The following DNAH9 variants were observed in gnomAD, a reference collection of about 807,000 sequenced individuals.
The protein encoded by DNAH9 is dynein axonemal heavy chain 9.
Under a neutral mutation model 471.6 loss-of-function variants are expected in DNAH9, and 345 were observed. The ratio of observed to expected loss-of-function variants is 0.73; its 90% CI spans 0.67 to 0.80. The LOEUF (loss-of-function observed/expected upper bound fraction) is 0.80, where lower values mean the gene tolerates loss of function less well. DNAH9 is among the 30% of genes least tolerant of loss of function. The pLI, the probability that DNAH9 is intolerant of heterozygous loss-of-function variation, is 0.00. For synonymous variants in DNAH9, 2,093 were observed against 2,123.6 expected, an observed-to-expected ratio of 0.99 and a Z score of 0.40; for missense variants, 5,407 against 5,609.2, an observed-to-expected ratio of 0.96 and a Z score of 1.15.
chr17:11,869,160 C>T lies in DNAH9; in HGVS notation c.9960C>T (p.Leu3320=), dbSNP rs1247536472. 1.9e-6 allele frequency: 3 copies of T among 1,613,620 alleles called. No individual in the cohort carries two copies. Among genetic ancestry groups the T allele is most frequent in the Middle Eastern group, 1.6e-4 (1 of 6,078 alleles). The change falls in exon 51 of 69, where the codon CTC becomes CTT. Residue 3320 remains leucine (L), a synonymous_variant. Coordinates refer to ENST00000262442, the MANE Select transcript of DNAH9 (RefSeq NM_001372.4). ...IAHLNENLAK[L]TARFEKATAD... ...ACCTTAATGAAAACCTGGCAAAGCTCACAGCCAGGTTTGAGAAAGCAACAG... is the reference window on the plus strand; with the variant it reads ...ACCTTAATGAAAACCTGGCAAAGCTTACAGCCAGGTTTGAGAAAGCAACAG...
intron 68 of DNAH9, among the ~76,000 whole-genome samples, chr17:11,966,168 T>C (rs1188833677): frequency 6.6e-6 from 1 of 152,190 alleles, no homozygotes; most frequent in Admixed American, 6.5e-5. Flanking sequence ...CAAGACATAT[T>C]ATAGTCAAAC....
chr17:11,652,072 T>C (rs996917115), intron 13 of DNAH9, among the ~76,000 whole-genome samples: 1 of 152,128 alleles, frequency 6.6e-6, no homozygotes, highest in Non-Finnish European at 1.5e-5. Context: ...TTATTTCATA[T>C]ACAAGAGGAA....
rs60906405 is a variant in DNAH9 at position 11,730,257 on chromosome 17, T to C, written c.5814+2335T>C. On this transcript the variant is annotated intron_variant, in intron 28 of 68. Transcript: ENST00000262442. ...CTGGTTGTGTGCATGTCAGTGGCAT[T>C]GCATGAGTGTAGCTTGAAATGGGCT... 7.7e-3 allele frequency among the ~76,000 whole-genome samples: 1,180 copies of C among 152,300 alleles called. 12 individuals are homozygous for C. The highest frequency in any genetic ancestry group is 0.026 in the African/African-American group (1,061 of 41,574).
chr17:11,817,585 A>G (rs966319971), intron 45 of DNAH9, among the ~76,000 whole-genome samples: 30 of 152,362 alleles, frequency 2.0e-4, no homozygotes, highest in South Asian at 4.1e-4. Flanking sequence ...GGCTATGGTC[A>G]ATTAAATCTT....
chr17:11,888,199 T>C (rs1379266543), intron 57 of DNAH9, among the ~76,000 whole-genome samples: 4 of 152,052 alleles, frequency 2.6e-5, no homozygotes, highest in Admixed American at 2.0e-4. Flanking sequence ...TTAGCCAGGA[T>C]GGTCTCGATC....
chr17:11,923,898 C>T lies in DNAH9; in HGVS notation c.11834C>T (p.Ala3945Val), dbSNP rs376820901. ...GGACAGGAAGTGGTGGCTGAGGCTG[C>T]GCTGGACCTCGCTGCCAAGAAAGGT... ...GQGQEVVAEA[A>V]LDLAAKKGHW... The change falls in exon 62 of 69, where the codon GCG becomes GTG. Residue 3945 changes from alanine to valine, a missense_variant. Around this residue, in one of 3 missense-constraint regions of DNAH9, gnomAD observed 4,636 missense variants for 4,900.3 expected, o/e 0.95. Transcript: ENST00000262442. 66 of 1,613,866 alleles carry T rather than the reference C, an allele frequency of 4.1e-5. No homozygotes were observed. Among genetic ancestry groups the T allele is most frequent in the African/African-American group, 1.3e-4 (10 of 74,920 alleles).
At chr17:11,699,304 AC>A (rs1312276749) in intron 22 of DNAH9, among the ~76,000 whole-genome samples, 1 of 152,040 alleles carries the variant, frequency 6.6e-6, no homozygotes, top group African/African-American at 2.4e-5. Flanking sequence ...CACTGCCGCC[AC>A]CACTGTTGAC....
At chr17:11,635,769 A>G (rs913621402) in intron 8 of DNAH9, among the ~76,000 whole-genome samples, 1 of 152,208 alleles carries the variant, frequency 6.6e-6, no homozygotes, top group Non-Finnish European at 1.5e-5. Flanking sequence ...TTGCTGCTCC[A>G]TGAAACACTG....
chr17:11,890,646 T>C (rs970304293), intron 57 of DNAH9, among the ~76,000 whole-genome samples: 7 of 152,182 alleles, frequency 4.6e-5, no homozygotes, highest in Non-Finnish European at 8.8e-5. Flanking sequence ...ATATCTTGGC[T>C]TGTATTTTCT....
At chr17:11,653,052 T>A in intron 14 of DNAH9, 50 bp downstream of exon 14, 1 of 1,590,554 alleles carries the variant, frequency 6.3e-7, no homozygotes, top group Admixed American at 1.7e-5. Context: ...AGGGAAAGCA[T>A]CAAAAAGTGT....
chr17:11,801,982 T>C (rs144586574), intron 43 of DNAH9, among the ~76,000 whole-genome samples: 79 of 152,300 alleles, frequency 5.2e-4, no homozygotes, highest in African/African-American at 1.9e-3. Context: ...AAGAGAAGCC[T>C]GAGCCTCATT....
chr17:11,661,235 C>T (rs1567699366), intron 14 of DNAH9, among the ~76,000 whole-genome samples: 1 of 151,362 alleles, frequency 6.6e-6, no homozygotes, highest in Admixed American at 6.6e-5. Flanking sequence ...ATAATATAGC[C>T]TTTCCTATCT....
At chr17:11,625,912 CT>C (rs2072961005) in intron 6 of DNAH9, among the ~76,000 whole-genome samples, 1 of 152,172 alleles carries the variant, frequency 6.6e-6, no homozygotes, top group Admixed American at 6.5e-5. Flanking sequence ...TAGTGGCTGC[CT>C]TTTAGTGAAG....
At position 11,689,575 on chromosome 17, in the gene DNAH9, C is replaced by T. The variant is rs1311460827; in HGVS notation, c.3753C>T (p.Ser1251=). ...ACACTGTGTTTTGTAGGTTTGATAG[C>T]ATCCACCCTCATCAAATGCTGGATG... ...FHKEAPFRFD[S]IHPHQMLDAR... is the part of the protein sequence containing the mutation. The change falls in exon 20 of 69, where the codon AGC becomes AGT. Residue 1251 remains serine (S), a synonymous_variant. Transcript: ENST00000262442. The T allele has an allele frequency of 3.1e-6, 5 of 1,611,672 alleles. No individual in the cohort carries two copies. In the South Asian group the frequency reaches 4.4e-5, roughly 14 times the overall value.
At chr17:11,860,705 G>A (rs1971813498) in intron 50 of DNAH9, among the ~76,000 whole-genome samples, 2 of 152,110 alleles carry the variant, frequency 1.3e-5, no homozygotes, top group Middle Eastern at 3.2e-3. Flanking sequence ...GGGATTACAG[G>A]CATGTGCCAC....
At chr17:11,739,904 GTC>G (rs1420888251) in intron 29 of DNAH9, among the ~76,000 whole-genome samples, 1 of 152,138 alleles carries the variant, frequency 6.6e-6, no homozygotes, top group African/African-American at 2.4e-5. Context: ...AAACTGTTTT[GTC>G]TCATTTTTGG....
rs1217627750 is a variant in DNAH9 at position 11,834,704 on chromosome 17, G to C, written c.9313G>C (p.Asp3105His). The change falls in exon 49 of 69, where the codon GAC (aspartate) becomes CAC (histidine). Residue 3105 changes from aspartate (D) to histidine (H), a missense_variant. By Grantham distance (81) the Asp-to-His change is moderately conservative. This residue lies in a region of DNAH9 where 4,636 missense variants were observed against 4,900.3 expected (regional missense o/e 0.95). Coordinates refer to ENST00000262442, the MANE Select transcript of DNAH9 (RefSeq NM_001372.4). ...GCTGAAGCAGAAAAATGAAGATGCA[G>C]ACAAACTGATTCAGGTCGTGGGTGT... ...VELKQKNEDA[D>H]KLIQVVGVET... The C allele has an allele frequency of 1.2e-6, 2 of 1,614,084 alleles. No individual in the cohort carries two copies. Among genetic ancestry groups the C allele is most frequent in the African/African-American group, 1.3e-5 (1 of 75,050 alleles).
intron 61 of DNAH9, among the ~76,000 whole-genome samples, chr17:11,912,864 AT>A (rs548022682): frequency 2.7e-4 from 41 of 151,394 alleles, no homozygotes; most frequent in African/African-American, 7.7e-4. Flanking sequence ...CTGTGCTTTT[AT>A]TTTTTTTTAA....
chr17:11,734,093 G>T (rs2075309469), intron 28 of DNAH9, among the ~76,000 whole-genome samples: 1 of 151,964 alleles, frequency 6.6e-6, no homozygotes, highest in East Asian at 1.9e-4. Context: ...ACAGCAGAGG[G>T]TGCCAGGCAT....
Sources: allele counts gnomAD v4.1 joint callset (sites outside exome capture counted in the v4.1 genomes callset), GRCh38; gene constraint gnomAD v4.1.1; regional missense constraint gnomAD v4.1.1; transcripts MANE v1.5; gene names NCBI Gene and HGNC (gene_info 2026-07-23, HGNC 2026-07-21).